Variants in ZMIZ1 observed in about 807,000 individuals in gnomAD.
The protein encoded by ZMIZ1 is zinc finger MIZ domain-containing protein 1.
Under a neutral mutation model 113.9 loss-of-function variants are expected in ZMIZ1, and 17 were observed. The observed-to-expected ratio is 0.15, with a 90% CI of 0.10 to 0.22. The LOEUF is 0.22. Among genes scored for constraint, ZMIZ1 ranks in the 10% least tolerant of loss-of-function variants. The probability of loss-of-function intolerance (pLI) is 1.00; values close to 1 mark genes in which losing one functional copy is unlikely to be tolerated. For missense variants in ZMIZ1, 1,059 were observed against 1,477.8 expected, an observed-to-expected ratio of 0.72 and a Z score of 4.65; for synonymous variants, 607 against 603.1, an observed-to-expected ratio of 1.01 and a Z score of -0.09.
chr10:79,170,910 C>G (rs531108945), intron 4 of ZMIZ1, among the ~76,000 whole-genome samples: 1 of 152,158 alleles, frequency 6.6e-6, no homozygotes, highest in Admixed American at 6.5e-5. Context: ...CAGGCTTAAG[C>G]CCTCAACTTA....
intron 4 of ZMIZ1, among the ~76,000 whole-genome samples, chr10:79,187,792 C>T (rs1351058005): frequency 2.0e-5 from 3 of 152,190 alleles, no homozygotes; most frequent in South Asian, 2.1e-4. Context: ...CCCAGGGCAG[C>T]GCCTGGAGAA....
At chr10:79,073,840 G>C (rs1480551553) in intron 1 of ZMIZ1, among the ~76,000 whole-genome samples, 1 of 152,122 alleles carries the variant, frequency 6.6e-6, no homozygotes, top group Non-Finnish European at 1.5e-5. Context: ...GGTTGGGTCG[G>C]GCCCGGCATG....
intron 2 of ZMIZ1, among the ~76,000 whole-genome samples, chr10:79,121,631 GC>G (rs1844296093): frequency 6.6e-6 from 1 of 152,190 alleles, no homozygotes; most frequent in Non-Finnish European, 1.5e-5. Context: ...TGGAGAGGTA[GC>G]CACTGCTTGC....
chr10:79,087,921 C>A (rs1269957043), intron 1 of ZMIZ1, among the ~76,000 whole-genome samples: 1 of 152,212 alleles, frequency 6.6e-6, no homozygotes, highest in Non-Finnish European at 1.5e-5. Context: ...TTGGCAGGAT[C>A]GCAGCTACCT....
intron 7 of ZMIZ1, among the ~76,000 whole-genome samples, chr10:79,225,992 T>C (rs1246797359): frequency 6.6e-6 from 1 of 152,190 alleles, no homozygotes; most frequent in Non-Finnish European, 1.5e-5. Context: ...GATGACAAGC[T>C]TCTTGTGCCA....
chr10:79,149,451 A>G (rs541911604), intron 3 of ZMIZ1, among the ~76,000 whole-genome samples: 36 of 152,010 alleles, frequency 2.4e-4, no homozygotes, highest in Non-Finnish European at 3.7e-4. Flanking sequence ...CATACCCCCA[A>G]CCTGTGGACA....
At chr10:79,291,781 G>T (rs536420207) in intron 10 of ZMIZ1, among the ~76,000 whole-genome samples, 1 of 152,306 alleles carries the variant, frequency 6.6e-6, no homozygotes, top group East Asian at 1.9e-4. Flanking sequence ...TCTGGCCTGG[G>T]GTTGGCACAG....
In ZMIZ1 at chr10:79,307,585, C is replaced by T. The variant is rs1312932229; in HGVS notation, c.2835+14C>T. 13 of 1,610,002 alleles carry T rather than the reference C, an allele frequency of 8.1e-6. No individual in the cohort carries two copies. Among genetic ancestry groups the T allele is most frequent in the Admixed American group, 1.7e-5 (1 of 58,942 alleles). ...ATGCAGGAAACTGTGAGTACCTCCT[C>T]CTCACCCCATTCCATTCCCCAGCCT... On this transcript the variant is annotated intron_variant, in intron 23 of 24. Coordinates refer to ENST00000334512, the MANE Select transcript of ZMIZ1 (RefSeq NM_020338.4).
chr10:79,194,669 G>A (rs1345552431), intron 4 of ZMIZ1, among the ~76,000 whole-genome samples: 3 of 152,180 alleles, frequency 2.0e-5, no homozygotes, highest in African/African-American at 4.8e-5. Flanking sequence ...TGCTCACGAT[G>A]CCCTCCGTGT....
chr10:79,072,578 TGGCCTCAG>T lies in ZMIZ1; in HGVS notation c.-337+3311_-337+3318del, dbSNP rs530488820. Among the ~76,000 whole-genome samples the T allele has an allele frequency of 5.3e-5, 8 of 152,360 alleles. No homozygotes were observed. In the South Asian group the frequency reaches 1.7e-3, roughly 32 times the overall value. On this transcript the variant is annotated intron_variant, in intron 1 of 24. Coordinates refer to ENST00000334512, the MANE Select transcript of ZMIZ1 (RefSeq NM_020338.4). ...AGGGTCCAACGAGTGGCCATGACCCTGGCCTCAGGGTGAGGCATTGTTGTAAGAAATTC... is the reference window on the plus strand; with the variant it reads ...AGGGTCCAACGAGTGGCCATGACCCTGGTGAGGCATTGTTGTAAGAAATTC...
chr10:79,177,309 G>C (rs1846915106), intron 4 of ZMIZ1, among the ~76,000 whole-genome samples: 1 of 152,180 alleles, frequency 6.6e-6, no homozygotes. Flanking sequence ...GATGAAAGCT[G>C]GCCTCGCCTC....
intron 7 of ZMIZ1, among the ~76,000 whole-genome samples, chr10:79,254,010 C>A (rs1299024864): frequency 6.6e-6 from 1 of 152,216 alleles, no homozygotes; most frequent in Non-Finnish European, 1.5e-5. Flanking sequence ...TTATTTTCAG[C>A]CAACTTTGTT....
chr10:79,286,240 G>A (rs910571719), intron 8 of ZMIZ1, among the ~76,000 whole-genome samples: 6 of 152,248 alleles, frequency 3.9e-5, no homozygotes, highest in Non-Finnish European at 8.8e-5. Context: ...TCCCAGCCAG[G>A]CCATGCCTTT....
chr10:79,094,021 A>T (rs1004657023), intron 1 of ZMIZ1, among the ~76,000 whole-genome samples: 1 of 152,242 alleles, frequency 6.6e-6, no homozygotes, highest in Non-Finnish European at 1.5e-5. Flanking sequence ...ATTTATAAAT[A>T]AACAGTCGAC....
At chr10:79,075,313 T>G (rs1842431305) in intron 1 of ZMIZ1, among the ~76,000 whole-genome samples, 2 of 152,324 alleles carry the variant, frequency 1.3e-5, no homozygotes, top group Admixed American at 1.3e-4. Flanking sequence ...GGACAGAGAC[T>G]GGCTCAGGAC....
chr10:79,307,772 C>T (rs1296740006), intron 23 of ZMIZ1, among the ~76,000 whole-genome samples: 5 of 152,072 alleles, frequency 3.3e-5, no homozygotes, highest in African/African-American at 1.2e-4. Context: ...CCTAGGATTT[C>T]GGATTCTCTG....
chr10:79,135,986 C>T (rs1024965114), intron 2 of ZMIZ1, among the ~76,000 whole-genome samples: 1 of 152,124 alleles, frequency 6.6e-6, no homozygotes, highest in African/African-American at 2.4e-5. Context: ...CTGGGAAGGC[C>T]GCTGGGGCTG....
At chr10:79,124,208 G>C (rs75882979) in intron 2 of ZMIZ1, among the ~76,000 whole-genome samples, 1 of 152,220 alleles carries the variant, frequency 6.6e-6, no homozygotes, top group Non-Finnish European at 1.5e-5. Context: ...ACAAGTTGCT[G>C]CCCCTCTCTG....
intron 22 of ZMIZ1, among the ~76,000 whole-genome samples, 154 bp from the exon 23 acceptor site, chr10:79,307,251 T>C (rs537023986): frequency 9.9e-5 from 15 of 152,206 alleles, no homozygotes; most frequent in African/African-American, 3.1e-4. Flanking sequence ...GGCTGCTCTA[T>C]CCTACAGCCC....
Sources: gnomAD v4.1 joint callset for allele counts (sites outside exome capture counted in the v4.1 genomes callset) on GRCh38, gnomAD v4.1.1 for gene constraint, MANE v1.5 for transcripts, NCBI Gene and HGNC (gene_info 2026-07-23, HGNC 2026-07-21) for gene names.